Variants in KIAA1328 observed in about 807,000 individuals in gnomAD.
The protein encoded by KIAA1328 is KIAA1328.
A neutral mutation model predicts 68.1 loss-of-function variants in KIAA1328; 52 were observed. The observed-to-expected ratio is 0.76, with a 90% CI of 0.61 to 0.96. The LOEUF is 0.96. KIAA1328 is among the 40% of genes least tolerant of loss of function. KIAA1328 has a pLI of 0.00. For missense variants in KIAA1328, 641 were observed against 677.6 expected, an observed-to-expected ratio of 0.95 and a Z score of 0.60; for synonymous variants, 232 against 239.4, an observed-to-expected ratio of 0.97 and a Z score of 0.28.
At chr18:36,884,593 C>T (rs143724995) in intron 4 of KIAA1328, among the ~76,000 whole-genome samples, 1 of 152,230 alleles carries the variant, frequency 6.6e-6, no homozygotes, top group African/African-American at 2.4e-5. Flanking sequence ...AGAAATTGCT[C>T]TAGTAGAGTA....
intron 5 of KIAA1328, among the ~76,000 whole-genome samples, chr18:36,891,713 G>A (rs2048693383): frequency 6.6e-6 from 1 of 152,104 alleles, no homozygotes; most frequent in African/African-American, 2.4e-5. Flanking sequence ...ATTGGTTGGT[G>A]GCCACTTAGC....
chr18:37,172,882 A>AT, intron 8 of KIAA1328, 91 bp from the exon 9 acceptor site: 2 of 863,624 alleles, frequency 2.3e-6, no homozygotes, highest in Middle Eastern at 2.3e-4. Context: ...AAGCTTGGAC[A>AT]TTCCTATAAT....
At chr18:37,083,103 A>G (rs1011410523) in intron 7 of KIAA1328, among the ~76,000 whole-genome samples, 1 of 152,218 alleles carries the variant, frequency 6.6e-6, no homozygotes, top group Non-Finnish European at 1.5e-5. Flanking sequence ...AATAGTATAT[A>G]TAAAATGTAC....
chr18:37,224,109 TG>T lies in KIAA1328; in HGVS notation c.*1883del. 1 of 985,404 alleles carries T rather than the reference TG, an allele frequency of 1.0e-6. No homozygotes were observed. Among genetic ancestry groups the T allele is most frequent in the Middle Eastern group, 5.2e-4 (1 of 1,914 alleles). 61.0% of individuals were successfully genotyped at this position (985,404 alleles called of 1,614,324 possible). A position where few individuals can be genotyped will look rare whatever the true frequency, so the allele number is the denominator to read the frequency against. ...GCCATTTTTTCAGTTAAAGTTAGGTTGCCAGAACTTTCTTTTCCTTGCCCCC... is the reference window on the plus strand; with the variant it reads ...GCCATTTTTTCAGTTAAAGTTAGGTTCCAGAACTTTCTTTTCCTTGCCCCC... On this transcript the variant is annotated 3_prime_UTR_variant, in exon 10 of 10. Transcript: ENST00000280020.
At chr18:37,053,319 A>G (rs1235067642) in intron 6 of KIAA1328, among the ~76,000 whole-genome samples, 1 of 152,194 alleles carries the variant, frequency 6.6e-6, no homozygotes, top group Non-Finnish European at 1.5e-5. Flanking sequence ...ATCTTTTACC[A>G]TATATAAAAA....
intron 4 of KIAA1328, among the ~76,000 whole-genome samples, chr18:36,875,328 CCTTT>C: frequency 6.6e-6 from 1 of 152,216 alleles, no homozygotes; most frequent in Non-Finnish European, 1.5e-5. Flanking sequence ...TTGTTTGTGT[CCTTT>C]CTTATTTCCT....
At chr18:37,070,995 G>A (rs969085627) in intron 7 of KIAA1328, among the ~76,000 whole-genome samples, 2 of 136,876 alleles carry the variant, frequency 1.5e-5, no homozygotes, top group African/African-American at 5.3e-5. Context: ...GAGTCAGCCA[G>A]TTTCTTTTAA....
rs753215565 is a variant in KIAA1328 at position 37,136,445 on chromosome 18, G to A, written c.1233-23755G>A. On this transcript the variant is annotated intron_variant, in intron 7 of 9. Transcript: ENST00000280020. ...AAGCTTCATAAGTACATGCTTGAAT[G>A]AAATTAAAATATGGATTATAAATCT... is the stretch of plus-strand genomic sequence containing the variant. Among the ~76,000 whole-genome samples, 5 of 152,186 alleles carry A rather than the reference G, an allele frequency of 3.3e-5. 1 individual carries two copies. The highest frequency in any genetic ancestry group is 7.3e-5 in the Non-Finnish European group (5 of 68,036).
chr18:36,881,371 T>A (rs760007292), intron 4 of KIAA1328, among the ~76,000 whole-genome samples: 3 of 152,216 alleles, frequency 2.0e-5, no homozygotes, highest in Non-Finnish European at 4.4e-5. Context: ...CCCTATTCAT[T>A]GTATAGAAAT....
chr18:37,082,145 T>A (rs900526715), intron 7 of KIAA1328, among the ~76,000 whole-genome samples: 8 of 151,538 alleles, frequency 5.3e-5, no homozygotes, highest in African/African-American at 1.9e-4. Context: ...TTACTAAGCT[T>A]GTCATTTACC....
intron 6 of KIAA1328, among the ~76,000 whole-genome samples, chr18:36,970,910 A>G (rs972803975): frequency 6.6e-6 from 1 of 152,236 alleles, no homozygotes; most frequent in African/African-American, 2.4e-5. Context: ...TATCCCCATC[A>G]AGCTACCATT....
intron 7 of KIAA1328, among the ~76,000 whole-genome samples, chr18:37,086,798 T>C (rs1365151453): frequency 1.3e-5 from 2 of 152,236 alleles, no homozygotes; most frequent in Non-Finnish European, 2.9e-5. Context: ...TGATTCTTGA[T>C]CTTTTTATGT....
At chr18:37,039,497 C>T (rs1175300827) in intron 6 of KIAA1328, among the ~76,000 whole-genome samples, 2 of 151,906 alleles carry the variant, frequency 1.3e-5, no homozygotes, top group African/African-American at 4.8e-5. Context: ...ACTGCACCCT[C>T]CTCATCCCAG....
intron 6 of KIAA1328, among the ~76,000 whole-genome samples, chr18:36,984,413 A>G (rs897914480): frequency 6.6e-6 from 1 of 152,248 alleles, no homozygotes; most frequent in African/African-American, 2.4e-5. Flanking sequence ...TCACAAAGTT[A>G]TAGGATACAA....
chr18:36,953,379 TA>T (rs1318959095), intron 5 of KIAA1328, among the ~76,000 whole-genome samples: 69 of 45,138 alleles, frequency 1.5e-3, no homozygotes, highest in African/African-American at 7.5e-3. Flanking sequence ...CAACTATAGA[TA>T]GATAGATAGA....
At chr18:36,863,295 A>AT (rs1446697246) in intron 4 of KIAA1328, among the ~76,000 whole-genome samples, 1 of 150,822 alleles carries the variant, frequency 6.6e-6, no homozygotes, top group Non-Finnish European at 1.5e-5. Context: ...TTCTAGCACC[A>AT]TTTGTTGAAA....
intron 6 of KIAA1328, among the ~76,000 whole-genome samples, chr18:37,010,230 G>A (rs1268156191): frequency 2.6e-5 from 4 of 151,784 alleles, no homozygotes; most frequent in Non-Finnish European, 5.9e-5. Flanking sequence ...GGATCACAAG[G>A]TCAGAAGTTC....
At chr18:36,949,597 T>TC (rs71168248) in intron 5 of KIAA1328, among the ~76,000 whole-genome samples, 33,632 of 56,996 alleles carry the variant, frequency 0.59, 8,914 homozygotes, top group Middle Eastern at 0.66. Flanking sequence ...TCTACCCAGC[T>TC]CCCCCCCCCC....
intron 5 of KIAA1328, among the ~76,000 whole-genome samples, chr18:36,953,878 CTT>C (rs1055506475): frequency 6.6e-6 from 1 of 151,888 alleles, no homozygotes; most frequent in Admixed American, 6.6e-5. Flanking sequence ...TCTTTGGTCT[CTT>C]AATCTAAAAT....
Sources: gnomAD v4.1 joint callset for allele counts (sites outside exome capture counted in the v4.1 genomes callset) on GRCh38, gnomAD v4.1.1 for gene constraint, MANE v1.5 for transcripts, NCBI Gene and HGNC (gene_info 2026-07-23, HGNC 2026-07-21) for gene names.